The following MLIP variants were observed in gnomAD, a reference collection of about 807,000 sequenced individuals.
MLIP encodes muscular LMNA interacting protein.
In MLIP, 79 loss-of-function variants were observed where a neutral mutation model predicts 84.8. The ratio of observed to expected loss-of-function variants is 0.93; its 90% CI spans 0.78 to 1.12. The LOEUF (loss-of-function observed/expected upper bound fraction) is 1.12. MLIP is among the 50% of genes most tolerant of loss of function. The pLI is 0.00. For synonymous variants in MLIP, 504 were observed against 463.0 expected (o/e 1.09, Z -1.14); for missense variants, 1,257 against 1,160.6 (o/e 1.08, Z -1.21).
intron 1 of MLIP, among the ~76,000 whole-genome samples, chr6:54,114,084 T>C (rs574084472): frequency 6.6e-6 from 1 of 152,352 alleles, no homozygotes; most frequent in African/African-American, 2.4e-5. Context: ...CTGTCAGTGA[T>C]GTTTCAGCCT....
Position 54,147,350 on chromosome 6 carries a change from T to C in MLIP, c.2218-1706T>C, listed in dbSNP as rs1772960660. ...TGAGTAATAGTAATAAATGTCAACGTAGTAATAAATGTCAGCTCCCATGGA... is the reference window on the plus strand; with the variant it reads ...TGAGTAATAGTAATAAATGTCAACGCAGTAATAAATGTCAGCTCCCATGGA... On this transcript the variant is annotated intron_variant, in intron 4 of 13. Transcript: ENST00000502396. Among the ~76,000 whole-genome samples, 3 of 152,140 alleles carry C rather than the reference T, an allele frequency of 2.0e-5. No individual in the cohort carries two copies. In the South Asian group the frequency reaches 6.2e-4, roughly 32 times the overall value.
chr6:54,116,576 T>C (rs1224162128), intron 1 of MLIP, among the ~76,000 whole-genome samples: 1 of 152,152 alleles, frequency 6.6e-6, no homozygotes, highest in Non-Finnish European at 1.5e-5. Context: ...AGAACAGTCA[T>C]GAATAAGAAA....
intron 9 of MLIP, among the ~76,000 whole-genome samples, chr6:54,169,998 A>G (rs9474748): frequency 0.092 from 14,016 of 151,748 alleles, 825 homozygotes; most frequent in East Asian, 0.21. Context: ...CATTTAAATT[A>G]TTAACAAATA....
At position 54,189,751 on chromosome 6, in the gene MLIP, T is replaced by C. The variant is rs991894925; in HGVS notation, c.2545-119T>C. 6.9e-6 allele frequency: 5 copies of C among 728,790 alleles called. No homozygotes were observed. In the African/African-American group the frequency reaches 7.2e-5, roughly 10 times the overall value. 45.1% of individuals were successfully genotyped at this position (728,790 alleles called of 1,614,324 possible). A position where few individuals can be genotyped will look rare whatever the true frequency, so the allele number is the denominator to read the frequency against. On this transcript the variant is annotated intron_variant, in intron 9 of 13. Transcript: ENST00000502396. ...ATAAGGATATTTTTCCTTTTCTTTA[T>C]ACTTTTCAAAATCCTATCATGGACA...
chr6:54,168,703 G>T (rs192654902), intron 8 of MLIP, among the ~76,000 whole-genome samples: 6 of 151,548 alleles, frequency 4.0e-5, no homozygotes, highest in African/African-American at 1.2e-4. Context: ...GAAAAATTTC[G>T]GGCAGTACTG....
intron 11 of MLIP, chr6:54,216,045 C>T (rs753631403): frequency 4.1e-6 from 2 of 483,560 alleles, no homozygotes; most frequent in African/African-American, 2.1e-5. Context: ...TTGTTTAACA[C>T]GTTTTATTTA....
intron 1 of MLIP, among the ~76,000 whole-genome samples, chr6:54,088,385 T>C (rs1322244972): frequency 6.6e-6 from 1 of 150,534 alleles, no homozygotes; most frequent in African/African-American, 2.4e-5. Context: ...GGTTCTGTAG[T>C]AGGTGAGACA....
chr6:54,080,560 T>A (rs1489011533), intron 1 of MLIP, among the ~76,000 whole-genome samples: 1 of 151,918 alleles, frequency 6.6e-6, no homozygotes, highest in East Asian at 1.9e-4. Context: ...ATATTCAATA[T>A]TATACAGCGA....
chr6:54,130,346 T>C (rs940231942), intron 3 of MLIP, among the ~76,000 whole-genome samples: 2 of 152,146 alleles, frequency 1.3e-5, no homozygotes, highest in Non-Finnish European at 2.9e-5. Context: ...AACTTGTTGA[T>C]GTCAGAACTT....
intron 11 of MLIP, among the ~76,000 whole-genome samples, chr6:54,210,088 A>C (rs1480516098): frequency 6.6e-6 from 1 of 152,284 alleles, no homozygotes; most frequent in African/African-American, 2.4e-5. Flanking sequence ...AGCTTCAATA[A>C]TTGTGACTGG....
chr6:54,101,292 C>G (rs913854602), intron 1 of MLIP, among the ~76,000 whole-genome samples: 1 of 151,980 alleles, frequency 6.6e-6, no homozygotes, highest in Admixed American at 6.6e-5. Flanking sequence ...TTCTGATACT[C>G]TTATCAATTA....
At chr6:54,200,151 C>A (rs768041027) in intron 10 of MLIP, among the ~76,000 whole-genome samples, 3 of 152,122 alleles carry the variant, frequency 2.0e-5, no homozygotes, top group Non-Finnish European at 4.4e-5. Flanking sequence ...CTTCTGATGT[C>A]ACCCTGGAAA....
Position 54,266,081 on chromosome 6 carries a change from G to C in MLIP, c.*126G>C. ...TGCTCCCTTTATGAGCTGCAGTGCA[G>C]CAGAACCAAAAAAAAAGTTTGCTGC... On this transcript the variant is annotated 3_prime_UTR_variant, in exon 14 of 14. Transcript: ENST00000502396. 1.1e-6 allele frequency: 1 copy of C among 915,514 alleles called. No individual in the cohort carries two copies. The allele number at this position is 915,514 out of a possible 1,614,324, so 56.7% of individuals were successfully genotyped here.
chr6:54,202,072 T>G, intron 10 of MLIP, 33 bp from the exon 11 acceptor site: 1 of 1,445,366 alleles, frequency 6.9e-7, no homozygotes, highest in Non-Finnish European at 9.2e-7. Context: ...GTTTTTTTCC[T>G]GTTTTTAAAA....
intron 11 of MLIP, among the ~76,000 whole-genome samples, chr6:54,226,698 A>T (rs1417194416): frequency 1.3e-5 from 2 of 152,128 alleles, no homozygotes; most frequent in Non-Finnish European, 2.9e-5. Flanking sequence ...GACAGAAAAA[A>T]CTCAAGAACA....
At chr6:54,218,704 T>A (rs532530113) in intron 11 of MLIP, among the ~76,000 whole-genome samples, 5 of 151,864 alleles carry the variant, frequency 3.3e-5, no homozygotes, top group Non-Finnish European at 7.4e-5. Context: ...TTAGTAGAGA[T>A]GGGATTTTGC....
At chr6:54,199,770 A>G (rs1467491322) in intron 10 of MLIP, among the ~76,000 whole-genome samples, 1 of 152,196 alleles carries the variant, frequency 6.6e-6, no homozygotes, top group African/African-American at 2.4e-5. Context: ...TCTATGAAGT[A>G]TTGACTACTG....
intron 2 of MLIP, among the ~76,000 whole-genome samples, chr6:54,121,879 G>A (rs569425427): frequency 1.3e-5 from 2 of 151,652 alleles, no homozygotes; most frequent in South Asian, 4.2e-4. Context: ...TGTTTCTTAA[G>A]AAAATAAAAA....
At chr6:54,102,627 T>A (rs560440098) in intron 1 of MLIP, among the ~76,000 whole-genome samples, 23 of 152,284 alleles carry the variant, frequency 1.5e-4, no homozygotes, top group African/African-American at 4.8e-4. Flanking sequence ...TTGTGACAGA[T>A]CCTGAAATCC....
Sources: allele counts gnomAD v4.1 joint callset (sites outside exome capture counted in the v4.1 genomes callset), GRCh38; gene constraint gnomAD v4.1.1; transcripts MANE v1.5; gene names NCBI Gene and HGNC (gene_info 2026-07-23, HGNC 2026-07-21).